Variants in PATJ observed in about 807,000 individuals in gnomAD.
The protein encoded by PATJ is PATJ crumbs cell polarity complex component, also known as inaD-like protein.
A neutral mutation model predicts 224.9 loss-of-function variants in PATJ; 190 were observed. That is an observed-to-expected ratio of 0.84 (90% CI 0.75 to 0.95). The LOEUF (loss-of-function observed/expected upper bound fraction) is 0.95, where lower values mean the gene tolerates loss of function less well. Among genes scored for constraint, PATJ ranks in the 40% least tolerant of loss-of-function variants. The pLI is 0.00. For missense variants in PATJ, 2,121 were observed against 2,270.3 expected, an observed-to-expected ratio of 0.93 and a Z score of 1.34; for synonymous variants, 769 against 820.3, an observed-to-expected ratio of 0.94 and a Z score of 1.07.
intron 17 of PATJ, among the ~76,000 whole-genome samples, chr1:61,847,557 A>T (rs1004076601): frequency 8.5e-5 from 13 of 152,196 alleles, no homozygotes; most frequent in Admixed American, 2.6e-4. Flanking sequence ...TATTTTGAAC[A>T]TGATGGTGCT....
rs193244080 is a variant in PATJ, at chr1:62,016,210, A to G, written c.3868-1646A>G. On this transcript the variant is annotated intron_variant, in intron 28 of 43. Coordinates refer to ENST00000642238, the MANE Select transcript of PATJ (RefSeq NM_001350145.3). ...GAATCCCAGCTTTACCACTTAGGAA[A>G]GGTGATGGAAGGGCCACTTTTTAGA... is the stretch of plus-strand genomic sequence containing the variant. Among the ~76,000 whole-genome samples, 331 of 152,350 alleles carry G rather than the reference A, an allele frequency of 2.2e-3. 2 individuals are homozygous for G. The highest frequency in any genetic ancestry group is 3.5e-3 in the Non-Finnish European group (237 of 68,028).
intron 20 of PATJ, among the ~76,000 whole-genome samples, chr1:61,868,493 T>C (rs972451430): frequency 1.3e-5 from 2 of 152,208 alleles, no homozygotes; most frequent in Non-Finnish European, 2.9e-5. Context: ...TTCCTCCCTT[T>C]TTAAAGTTGA....
rs1435166066 is a variant in PATJ at position 62,161,391 on chromosome 1, T to G, written c.*337T>G. 6.0e-6 allele frequency: 1 copy of G among 165,324 alleles called. No individual in the cohort carries two copies. Among genetic ancestry groups the G allele is most frequent in the Non-Finnish European group, 1.2e-5 (1 of 84,516 alleles). The allele number at this position is 165,324 out of a possible 1,614,324, so 10.2% of individuals were successfully genotyped here. A position where few individuals can be genotyped will look rare whatever the true frequency, so the allele number is the denominator to read the frequency against. ...TCTCACTCTGTCACCCAGGCTGGAG[T>G]GCAATGGCGCAATCTTGGCTCACTG... On this transcript the variant is annotated 3_prime_UTR_variant, in exon 44 of 44. Coordinates refer to ENST00000642238, the MANE Select transcript of PATJ (RefSeq NM_001350145.3).
chr1:62,015,028 A>C (rs1306471896), intron 28 of PATJ, among the ~76,000 whole-genome samples: 1 of 152,132 alleles, frequency 6.6e-6, no homozygotes, highest in South Asian at 2.1e-4. Context: ...TGCCGGGCGC[A>C]GTGGCTCACG....
chr1:61,945,054 C>T (rs1678452696), intron 27 of PATJ, among the ~76,000 whole-genome samples: 1 of 152,180 alleles, frequency 6.6e-6, no homozygotes, highest in Non-Finnish European at 1.5e-5. Flanking sequence ...CCAGGCCTGC[C>T]TTACAAGAGC....
At chr1:62,038,118 A>G in intron 30 of PATJ, 69 bp downstream of exon 30, 1 of 983,166 alleles carries the variant, frequency 1.0e-6, no homozygotes, top group Admixed American at 2.1e-5. Context: ...CCCCAATCTG[A>G]CATTTTTGAT....
chr1:61,752,961 T>G (rs1338681408), intron 1 of PATJ, among the ~76,000 whole-genome samples: 2 of 152,232 alleles, frequency 1.3e-5, no homozygotes, highest in African/African-American at 4.8e-5. Flanking sequence ...TGGCAGCAGA[T>G]GTATTTATTT....
intron 10 of PATJ, 137 bp from the exon 11 acceptor site, chr1:61,797,150 A>G (rs1481987879): frequency 3.2e-6 from 3 of 933,162 alleles, no homozygotes; most frequent in Non-Finnish European, 4.9e-6. Context: ...CTGGGATTAC[A>G]GGCGTGAGCC....
Position 61,766,306 on chromosome 1 carries a change from G to C in PATJ, c.217G>C (p.Ala73Pro). The change falls in exon 4 of 44, where the codon GCC (alanine) becomes CCC (proline). Residue 73 changes from alanine (A) to proline (P), a missense_variant. Ala to Pro is a conservative substitution (Grantham distance 27). Coordinates refer to ENST00000642238, the MANE Select transcript of PATJ (RefSeq NM_001350145.3). ...QLNHIPSDCS[A>P]NFDFSRKGLL... ...CAACCATATACCCTCAGATTGTTCAGCCAACTTTGATTTTTCTAGGAAAGG... is the reference window on the plus strand; with the variant it reads ...CAACCATATACCCTCAGATTGTTCACCCAACTTTGATTTTTCTAGGAAAGG... 1 of 1,609,390 alleles carries C rather than the reference G, an allele frequency of 6.2e-7. No individual in the cohort carries two copies. Among genetic ancestry groups the C allele is most frequent in the Non-Finnish European group, 8.5e-7 (1 of 1,178,048 alleles).
chr1:61,862,557 C>T (rs1664784342), intron 19 of PATJ, among the ~76,000 whole-genome samples: 1 of 152,108 alleles, frequency 6.6e-6, no homozygotes, highest in Admixed American at 6.6e-5. Context: ...ATGATAAAGG[C>T]ACGACGTAAA....
intron 31 of PATJ, among the ~76,000 whole-genome samples, chr1:62,074,439 AT>A (rs370792838): frequency 4.0e-5 from 6 of 149,736 alleles, no homozygotes; most frequent in African/African-American, 9.8e-5. Flanking sequence ...CCTTTAAGCA[AT>A]TTTTTTTTTA....
intron 21 of PATJ, 196 bp downstream of exon 21, chr1:61,875,562 G>T: frequency 2.3e-6 from 1 of 428,526 alleles, no homozygotes; most frequent in East Asian, 5.2e-5. Context: ...AGAGTTTTCA[G>T]ATTCTGTTTT....
chr1:62,048,545 CAAAAA>C (rs773157635), intron 30 of PATJ, among the ~76,000 whole-genome samples: 1 of 66,166 alleles, frequency 1.5e-5, no homozygotes, highest in Non-Finnish European at 3.2e-5. Flanking sequence ...GACTCTGTCT[CAAAAA>C]AAAAAAAAAA....
chr1:61,888,333 G>GT lies in PATJ; in HGVS notation c.3131+3926dup, dbSNP rs1233712346. ...ACTCTGTTGCCCAGGCTGGAGTGCA[G>GT]TGGGACCATCTCAGCTCACTGCAAC... On this transcript the variant is annotated intron_variant, in intron 22 of 43. Transcript: ENST00000642238. Among the ~76,000 whole-genome samples, 4 of 152,252 alleles carry GT rather than the reference G, an allele frequency of 2.6e-5. No homozygotes were observed. The East Asian group carries it at 7.7e-4, about 29-fold the overall frequency.
chr1:62,046,058 C>T (rs1482934921), intron 30 of PATJ, among the ~76,000 whole-genome samples: 1 of 152,016 alleles, frequency 6.6e-6, no homozygotes, highest in East Asian at 1.9e-4. Context: ...AAAAATTAGC[C>T]AGGCATGGTG....
chr1:62,033,494 T>C (rs1649723025), intron 29 of PATJ, among the ~76,000 whole-genome samples: 1 of 152,226 alleles, frequency 6.6e-6, no homozygotes, highest in African/African-American at 2.4e-5. Context: ...ATTGCACTCC[T>C]GATCTTTATA....
Position 61,813,350 on chromosome 1 carries a change from T to G in PATJ, c.1683+4820T>G, listed in dbSNP as rs549616785. Among the ~76,000 whole-genome samples, 111 of 40,730 alleles carry G rather than the reference T, an allele frequency of 2.7e-3. 2 individuals are homozygous for G. In the Middle Eastern group the frequency reaches 0.065, roughly 24 times the overall value. 26.7% of individuals were successfully genotyped at this position (40,730 alleles called of 152,430 possible). A position where few individuals can be genotyped will look rare whatever the true frequency, so the allele number is the denominator to read the frequency against. Reference sequence around the variant, plus strand: ...TGGAATGTACATATATATATATATATATATATATATATATATATATATATA... The same window carrying G: ...TGGAATGTACATATATATATATATAGATATATATATATATATATATATATA... On this transcript the variant is annotated intron_variant, in intron 14 of 43. Transcript: ENST00000642238.
chr1:62,139,595 C>T (rs1032323401), intron 41 of PATJ, among the ~76,000 whole-genome samples: 1 of 151,900 alleles, frequency 6.6e-6, no homozygotes, highest in Admixed American at 6.6e-5. Context: ...TACATGAACT[C>T]AAAGCTGAAC....
chr1:62,008,102 C>T (rs1646201505), intron 28 of PATJ, among the ~76,000 whole-genome samples: 1 of 152,146 alleles, frequency 6.6e-6, no homozygotes, highest in South Asian at 2.1e-4. Flanking sequence ...GCTTAATGAA[C>T]ATGTAAAAAA....
Sources: gnomAD v4.1 joint callset for allele counts (sites outside exome capture counted in the v4.1 genomes callset) on GRCh38, gnomAD v4.1.1 for gene constraint, MANE v1.5 for transcripts, NCBI Gene and HGNC (gene_info 2026-07-23, HGNC 2026-07-21) for gene names.